The following MAGI2 variants were observed in gnomAD, a reference collection of about 807,000 sequenced individuals.
MAGI2 encodes the protein membrane-associated guanylate kinase, WW and PDZ domain-containing protein 2.
Under a neutral mutation model 133.3 loss-of-function variants are expected in MAGI2, and 35 were observed. That is an observed-to-expected ratio of 0.26 (90% CI 0.20 to 0.35). The LOEUF (loss-of-function observed/expected upper bound fraction) is 0.35. Among genes scored for constraint, MAGI2 ranks in the 10% least tolerant of loss-of-function variants. MAGI2 has a pLI of 1.00. For synonymous variants in MAGI2, 729 were observed against 710.6 expected (o/e 1.03, Z -0.41); for missense variants, 1,636 against 1,863.4 (o/e 0.88, Z 2.25).
chr7:79,324,408 A>ATATATATATATAT, intron 1 of MAGI2, among the ~76,000 whole-genome samples: 1 of 142,964 alleles, frequency 7.0e-6, no homozygotes, highest in East Asian at 2.1e-4. Context: ...ATATACACAC[A>ATATATATATATAT]ACGTATCTAT....
chr7:79,095,813 A>G (rs902288912), intron 1 of MAGI2, among the ~76,000 whole-genome samples: 2 of 152,258 alleles, frequency 1.3e-5, no homozygotes, highest in African/African-American at 4.8e-5. Flanking sequence ...AAATATTGTG[A>G]TAATTACCAA....
chr7:79,331,602 A>G (rs138473904), intron 1 of MAGI2, among the ~76,000 whole-genome samples: 231 of 152,268 alleles, frequency 1.5e-3, no homozygotes, highest in African/African-American at 5.3e-3. Flanking sequence ...TCATAACCAT[A>G]ATGCAAGTAT....
chr7:78,495,149 C>T (rs1793969769), intron 5 of MAGI2, among the ~76,000 whole-genome samples: 1 of 152,132 alleles, frequency 6.6e-6, no homozygotes, highest in African/African-American at 2.4e-5. Flanking sequence ...TTCTGGGGTA[C>T]ATGTGCAGAA....
At chr7:79,268,378 T>C (rs1834634814) in intron 1 of MAGI2, among the ~76,000 whole-genome samples, 1 of 152,180 alleles carries the variant, frequency 6.6e-6, no homozygotes, top group Non-Finnish European at 1.5e-5. Context: ...TAGTTTAATA[T>C]ATTTTTATTG....
intron 2 of MAGI2, among the ~76,000 whole-genome samples, chr7:78,646,263 GTTATA>G (rs1241105624): frequency 6.6e-6 from 1 of 152,108 alleles, no homozygotes; most frequent in Non-Finnish European, 1.5e-5. Flanking sequence ...ACACTCAGTT[GTTATA>G]TTATTTCTTC....
At chr7:78,098,174 T>C (rs968609626) in intron 20 of MAGI2, among the ~76,000 whole-genome samples, 1 of 152,184 alleles carries the variant, frequency 6.6e-6, no homozygotes, top group African/African-American at 2.4e-5. Context: ...AGGATAGAGT[T>C]GGAGCCCCTT....
In MAGI2 at chr7:78,669,169, G is replaced by A. The variant is rs542075088; in HGVS notation, c.419-41930C>T. Among the ~76,000 whole-genome samples the A allele has an allele frequency of 2.3e-4, 35 of 152,098 alleles. No individual in the cohort carries two copies. In the East Asian group the frequency reaches 2.3e-3, roughly 10 times the overall value. On this transcript the variant is annotated intron_variant, in intron 2 of 21. Transcript: ENST00000354212. ...AAAGGATCAACAAAATTGATAGACC[G>A]ATAGCAAGACTAATAAAGAAGAAAA...
At chr7:78,257,683 AC>A (rs1793131510) in intron 9 of MAGI2, among the ~76,000 whole-genome samples, 1 of 152,328 alleles carries the variant, frequency 6.6e-6, no homozygotes, top group African/African-American at 2.4e-5. Flanking sequence ...TTTTTGGAGA[AC>A]TATTTTATCA....
intron 2 of MAGI2, among the ~76,000 whole-genome samples, chr7:78,788,873 G>C (rs1357071957): frequency 3.3e-5 from 5 of 152,082 alleles, no homozygotes; most frequent in Non-Finnish European, 5.9e-5. Flanking sequence ...CTGACATAAA[G>C]TACAACTCCT....
chr7:78,085,990 G>A (rs1816597550), intron 20 of MAGI2, among the ~76,000 whole-genome samples: 1 of 152,204 alleles, frequency 6.6e-6, no homozygotes, highest in East Asian at 1.9e-4. Flanking sequence ...CCCTTCCGGA[G>A]CCTCCATTTC....
intron 1 of MAGI2, among the ~76,000 whole-genome samples, chr7:79,336,439 CTT>C (rs764269215): frequency 6.6e-4 from 100 of 152,042 alleles, no homozygotes; most frequent in Non-Finnish European, 1.3e-3. Flanking sequence ...ATTAAATACT[CTT>C]ATAATTTATA....
At position 78,869,760 on chromosome 7, in the gene MAGI2, G is replaced by A. The variant is rs551546342; in HGVS notation, c.418+137330C>T. On this transcript the variant is annotated intron_variant, in intron 2 of 21. Transcript: ENST00000354212. ...AGGCAGAAATCTGCTCCTATAATCC[G>A]ATCACCTCCTACTAGGTTCCTCCCT... Among the ~76,000 whole-genome samples, 10 of 152,184 alleles carry A rather than the reference G, an allele frequency of 6.6e-5. No homozygotes were observed. In the South Asian group the frequency reaches 8.3e-4, roughly 13 times the overall value.
chr7:79,171,300 C>G (rs1415611351), intron 1 of MAGI2, among the ~76,000 whole-genome samples: 4 of 151,994 alleles, frequency 2.6e-5, no homozygotes, highest in Non-Finnish European at 5.9e-5. Context: ...AGGGTATTCT[C>G]CCCCTGAGTG....
chr7:78,170,650 T>G (rs1452207363), intron 14 of MAGI2: 1 of 152,058 alleles, frequency 6.6e-6, no homozygotes, highest in African/African-American at 2.4e-5. Context: ...TGGTGGAGAT[T>G]GGTGTCAGTC....
chr7:78,494,966 A>G (rs1459002092), intron 5 of MAGI2, among the ~76,000 whole-genome samples: 1 of 152,230 alleles, frequency 6.6e-6, no homozygotes, highest in Non-Finnish European at 1.5e-5. Context: ...GCATAAAACA[A>G]TCTTCTGAAG....
intron 2 of MAGI2, among the ~76,000 whole-genome samples, chr7:78,752,409 C>T (rs1823538006): frequency 6.6e-6 from 1 of 152,030 alleles, no homozygotes; most frequent in Non-Finnish European, 1.5e-5. Flanking sequence ...TCGAGACCAC[C>T]CTGACCAACA....
chr7:78,536,103 CT>C (rs544655465), intron 3 of MAGI2, among the ~76,000 whole-genome samples: 894 of 59,836 alleles, frequency 0.015, 4 homozygotes, highest in African/African-American at 0.06. Context: ...ATGAATTAAA[CT>C]TTTTTTTTTT....
At chr7:78,540,584 T>C (rs1422231076) in intron 3 of MAGI2, among the ~76,000 whole-genome samples, 3 of 152,100 alleles carry the variant, frequency 2.0e-5, no homozygotes, top group African/African-American at 7.2e-5. Flanking sequence ...TATTTCCACT[T>C]GTTTGCCACC....
At chr7:78,038,379 T>C (rs1810453451) in intron 21 of MAGI2, among the ~76,000 whole-genome samples, 1 of 148,302 alleles carries the variant, frequency 6.7e-6, no homozygotes, top group African/African-American at 2.6e-5. Flanking sequence ...AATGTATTCA[T>C]ATGAAACACT....
Sources: gnomAD v4.1 joint callset for allele counts (sites outside exome capture counted in the v4.1 genomes callset) on GRCh38, gnomAD v4.1.1 for gene constraint, MANE v1.5 for transcripts, NCBI Gene and HGNC (gene_info 2026-07-23, HGNC 2026-07-21) for gene names.